ZNF496: variants seen among roughly 807,000 people sequenced by gnomAD.
The protein encoded by ZNF496 is NSD1 (nuclear receptor binding SET-domain containing 1)-interacting zinc finger protein 1.
ZNF496 carries 11 observed loss-of-function variants against 58.9 expected under a neutral mutation model. The ratio of observed to expected loss-of-function variants is 0.19; its 90% CI spans 0.12 to 0.31. ZNF496 has a LOEUF of 0.31. Among genes scored for constraint, ZNF496 ranks in the 10% least tolerant of loss-of-function variants. ZNF496 has a pLI of 1.00. For synonymous variants in ZNF496, 338 were observed against 318.2 expected, an observed-to-expected ratio of 1.06 and a Z score of -0.66; for missense variants, 660 against 783.0, an observed-to-expected ratio of 0.84 and a Z score of 1.88.
At position 247,329,857 on chromosome 1, in the gene ZNF496, G is replaced by A. The variant is rs776117640; in HGVS notation, c.-38+109C>T. On this transcript the variant is annotated intron_variant, in intron 3 of 9. Coordinates refer to ENST00000682384, the MANE Select transcript of ZNF496 (RefSeq NM_032752.3). This position sits in a 1 kb window ranked among gnomAD's most constrained non-coding sequence, Gnocchi z 5.5. ...GTTAAGTGGGTGACTGGATGAACAA[G>A]ACAGGAAATCTGGGAGAAAGTGGTG... The A allele has an allele frequency of 1.0e-5, 4 of 381,126 alleles. No individual in the cohort carries two copies. Among genetic ancestry groups the A allele is most frequent in the Non-Finnish European group, 1.9e-5 (4 of 215,582 alleles). 23.6% of individuals were successfully genotyped at this position (381,126 alleles called of 1,614,324 possible).
chr1:247,328,478 A>G (rs1230922741), intron 5 of ZNF496, among the ~76,000 whole-genome samples: 2 of 152,214 alleles, frequency 1.3e-5, no homozygotes, highest in African/African-American at 4.8e-5. Flanking sequence ...CTCTAGAACC[A>G]TGAAGAGGAC....
intron 2 of ZNF496, 122 bp from the exon 3 acceptor site, chr1:247,330,203 A>G (rs1257418185): frequency 6.6e-6 from 1 of 152,256 alleles, no homozygotes; most frequent in Non-Finnish European, 1.5e-5. Context: ...AGCCAGAATC[A>G]GCTTTGCCCA....
At position 247,317,056 on chromosome 1, in the gene ZNF496, AAGAT is replaced by A. The variant is rs527803933; in HGVS notation, c.651+6094_651+6097del. Among the ~76,000 whole-genome samples the A allele has an allele frequency of 2.2e-3, 330 of 152,314 alleles. 3 individuals are homozygous for A. Among genetic ancestry groups the A allele is most frequent in the African/African-American group, 7.5e-3 (312 of 41,546 alleles). On this transcript the variant is annotated intron_variant, in intron 6 of 9. Coordinates refer to ENST00000682384, the MANE Select transcript of ZNF496 (RefSeq NM_032752.3). Reference sequence around the variant, plus strand: ...TAATTTTTCACGAGAAGGGATGGGCAAGATAGATAAACATGTCTATTTAAGATTA... The same window carrying A: ...TAATTTTTCACGAGAAGGGATGGGCAAGATAAACATGTCTATTTAAGATTA...
In ZNF496 at chr1:247,300,768, C is replaced by T. The variant is rs371786461; in HGVS notation, c.1515G>A (p.Ala505=). 9 of 1,605,370 alleles carry T rather than the reference C, an allele frequency of 5.6e-6. No individual in the cohort carries two copies. The highest frequency in any genetic ancestry group is 2.7e-5 in the African/African-American group (2 of 74,932). Reference sequence around the variant, plus strand: ...CCAGCGGCTCTTTGGGACCCTTGTCCGCGTCCTCGGATGCCGCCTGCTCTC... The same window carrying T: ...CCAGCGGCTCTTTGGGACCCTTGTCTGCGTCCTCGGATGCCGCCTGCTCTC... The part of the protein sequence containing the change: ...EKREQAASED[A]DKGPKEPLEN... The change falls in exon 10 of 10, where the codon GCG becomes GCA. Residue 505 remains alanine, a synonymous_variant. Coordinates refer to ENST00000682384, the MANE Select transcript of ZNF496 (RefSeq NM_032752.3). This position sits in a 1 kb window ranked among gnomAD's most constrained non-coding sequence, Gnocchi z 5.7.
intron 6 of ZNF496, 54 bp from the exon 7 acceptor site, chr1:247,310,510 AGT>A: frequency 1.2e-6 from 2 of 1,607,486 alleles, no homozygotes; most frequent in South Asian, 2.2e-5. Context: ...TAGGTGTCTC[AGT>A]CTTAGTCCAC....
intron 6 of ZNF496, among the ~76,000 whole-genome samples, chr1:247,316,729 C>T (rs1659793730): frequency 1.3e-5 from 2 of 152,018 alleles, no homozygotes; most frequent in Non-Finnish European, 2.9e-5. Context: ...AGAAGCAAAC[C>T]CAAGTCCAAG....
chr1:247,308,697 C>G lies in ZNF496; in HGVS notation c.893-109G>C. On this transcript the variant is annotated intron_variant, in intron 8 of 9. Transcript: ENST00000682384. The surrounding 1 kb of genome is among the most constrained non-coding windows in gnomAD (Gnocchi z 4.5). ...GCTACGATCTGGGGGCGGCCCTGGG[C>G]TCCGTCCTGGGGACTGGCAGGGGGT... The G allele has an allele frequency of 1.9e-6, 2 of 1,070,570 alleles. No individual in the cohort carries two copies. The highest frequency in any genetic ancestry group is 4.2e-4 in the Middle Eastern group (2 of 4,706). 66.3% of individuals were successfully genotyped at this position (1,070,570 alleles called of 1,614,324 possible). A position where few individuals can be genotyped will look rare whatever the true frequency, so the allele number is the denominator to read the frequency against.
At position 247,329,230 on chromosome 1, in the gene ZNF496, C is replaced by A; in HGVS notation, c.349G>T (p.Val117Leu). Residue 117 changes from valine to leucine, a missense_variant, in exon 4 of 10, where the codon GTG becomes TTG. Transcript: ENST00000682384. This position sits in a 1 kb window ranked among gnomAD's most constrained non-coding sequence, Gnocchi z 5.5. ...CCGGGCTCCCGTTCCAGTGCCTCCA[C>A]CGCGGCCACAGCCTGCTCTCCGCTC... ...PESGEQAVAA[V>L]EALEREPGRP... 3 of 1,613,610 alleles carry A rather than the reference C, an allele frequency of 1.9e-6. No individual in the cohort carries two copies. The highest frequency in any genetic ancestry group is 2.2e-5 in the East Asian group (1 of 44,876).
intron 6 of ZNF496, among the ~76,000 whole-genome samples, chr1:247,317,685 G>T (rs1390323720): frequency 6.6e-6 from 1 of 152,188 alleles, no homozygotes; most frequent in African/African-American, 2.4e-5. Flanking sequence ...GAAACCTGAC[G>T]TTCTCTCACC....
intron 5 of ZNF496, among the ~76,000 whole-genome samples, chr1:247,324,269 A>G (rs1287268180): frequency 6.6e-6 from 1 of 152,170 alleles, no homozygotes; most frequent in Non-Finnish European, 1.5e-5. Context: ...AAAAAGTTGA[A>G]CTCATAGAAG....
At chr1:247,326,948 C>T (rs1274195770) in intron 5 of ZNF496, among the ~76,000 whole-genome samples, 5 of 152,174 alleles carry the variant, frequency 3.3e-5, no homozygotes, top group South Asian at 2.1e-4. Flanking sequence ...GAAAACCGCC[C>T]GTCATCAAGA....
intron 5 of ZNF496, among the ~76,000 whole-genome samples, chr1:247,324,938 T>C (rs944351436): frequency 2.6e-5 from 4 of 152,214 alleles, no homozygotes; most frequent in Non-Finnish European, 5.9e-5. Context: ...AACTACCCTT[T>C]GTTCAGGCTT....
At chr1:247,326,088 A>C (rs1299835694) in intron 5 of ZNF496, among the ~76,000 whole-genome samples, 1 of 147,398 alleles carries the variant, frequency 6.8e-6, no homozygotes, top group African/African-American at 2.5e-5. Context: ...ACACACATAT[A>C]TACACACACA....
Position 247,308,697 on chromosome 1 carries a change from CTCCGT to C in ZNF496, c.893-114_893-110del. 1 of 1,070,568 alleles carries C rather than the reference CTCCGT, an allele frequency of 9.3e-7. No individual in the cohort carries two copies. Among genetic ancestry groups the C allele is most frequent in the Non-Finnish European group, 1.4e-6 (1 of 722,358 alleles). 66.3% of individuals were successfully genotyped at this position (1,070,568 alleles called of 1,614,324 possible). A position where few individuals can be genotyped will look rare whatever the true frequency, so the allele number is the denominator to read the frequency against. The stretch of plus-strand genomic sequence containing the variant: ...GCTACGATCTGGGGGCGGCCCTGGG[CTCCGT>C]CCTGGGGACTGGCAGGGGGTGGCCA... On this transcript the variant is annotated intron_variant, in intron 8 of 9. Transcript: ENST00000682384. The surrounding 1 kb of genome is among the most constrained non-coding windows in gnomAD (Gnocchi z 4.5).
chr1:247,325,019 T>C (rs1660079109), intron 5 of ZNF496, among the ~76,000 whole-genome samples: 1 of 152,262 alleles, frequency 6.6e-6, no homozygotes, highest in Admixed American at 6.5e-5. Context: ...AAGGTACTCC[T>C]TTCTCAGATT....
At chr1:247,324,031 C>T (rs1053527141) in intron 5 of ZNF496, among the ~76,000 whole-genome samples, 5 of 145,846 alleles carry the variant, frequency 3.4e-5, no homozygotes, top group African/African-American at 1.3e-4. Context: ...GCCACAGCTG[C>T]ACCACTGCAC....
At chr1:247,306,433 G>A (rs1659410967) in intron 9 of ZNF496, among the ~76,000 whole-genome samples, 1 of 151,034 alleles carries the variant, frequency 6.6e-6, no homozygotes, top group African/African-American at 2.4e-5. Flanking sequence ...CCTGACCTCA[G>A]CGATCTGCCT....
chr1:247,307,791 G>C, intron 9 of ZNF496: 1 of 985,442 alleles, frequency 1.0e-6, no homozygotes, highest in Non-Finnish European at 1.2e-6. Context: ...CGTGGGTTCA[G>C]GTAAGAATCA....
intron 6 of ZNF496, among the ~76,000 whole-genome samples, chr1:247,317,713 G>A (rs577769367): frequency 6.6e-6 from 1 of 152,318 alleles, no homozygotes; most frequent in East Asian, 1.9e-4. Flanking sequence ...AACAAGTGGT[G>A]GCCCACCTGC....
Sources: gnomAD v4.1 joint callset for allele counts (sites outside exome capture counted in the v4.1 genomes callset) on GRCh38, gnomAD v4.1.1 for gene constraint, Gnocchi (gnomAD v3.1) non-coding constraint, MANE v1.5 for transcripts, NCBI Gene and HGNC (gene_info 2026-07-23, HGNC 2026-07-21) for gene names.